The following ATP13A2 variants were observed in gnomAD, a reference collection of about 807,000 sequenced individuals.
The protein encoded by ATP13A2 is polyamine-transporting ATPase 13A2.
In ATP13A2, 83 loss-of-function variants were observed where a neutral mutation model predicts 138.3. The ratio of observed to expected loss-of-function variants is 0.60; its 90% CI spans 0.50 to 0.72. The LOEUF (loss-of-function observed/expected upper bound fraction) is 0.72. ATP13A2 is among the 30% of genes least tolerant of loss of function. The pLI, the probability that ATP13A2 is intolerant of heterozygous loss-of-function variation, is 0.00. For synonymous variants in ATP13A2, 663 were observed against 699.0 expected, an observed-to-expected ratio of 0.95 and a Z score of 0.81; for missense variants, 1,402 against 1,606.4, an observed-to-expected ratio of 0.87 and a Z score of 2.17.
rs1440981970 is a variant in ATP13A2 at position 16,992,380 on chromosome 1, C to A, written c.1868G>T (p.Ser623Ile). 2 of 1,613,546 alleles carry A rather than the reference C, an allele frequency of 1.2e-6. No homozygotes were observed. The highest frequency in any genetic ancestry group is 2.2e-5 in the East Asian group (1 of 44,896). The change falls in exon 18 of 29, where the codon AGC (serine) becomes ATC (isoleucine). Residue 623 changes from serine (S) to isoleucine (I), a missense_variant. By Grantham distance (142) the Ser-to-Ile change is moderately radical. Transcript: ENST00000326735. ...QAMEEPPVPV[S>I]VLHRFPFSSA... is the part of the protein sequence containing the mutation. Reference sequence around the variant, plus strand: ...AGAGAAGGGGAAGCGGTGGAGGACGCTGACTGGCACCGGGGGCTCCTCCTG... The same window carrying A: ...AGAGAAGGGGAAGCGGTGGAGGACGATGACTGGCACCGGGGGCTCCTCCTG...
intron 8 of ATP13A2, 114 bp from the exon 9 acceptor site, chr1:17,000,648 G>A (rs992422308): frequency 4.3e-6 from 6 of 1,384,184 alleles, no homozygotes; most frequent in East Asian, 5.0e-5. Context: ...CAAAGGACTG[G>A]AGCCAGGCCT....
At chr1:16,988,790 G>A (rs1323526772) in intron 23 of ATP13A2, among the ~76,000 whole-genome samples, 5 of 151,980 alleles carry the variant, frequency 3.3e-5, no homozygotes, top group Admixed American at 6.6e-5. Context: ...CCGCCACCAC[G>A]CCTGGCTAAT....
At chr1:16,994,184 G>GCTCTCTCTCT (rs144710370) in intron 15 of ATP13A2, among the ~76,000 whole-genome samples, 112 of 148,486 alleles carry the variant, frequency 7.5e-4, no homozygotes, top group Admixed American at 8.8e-4. Flanking sequence ...CGGTTGGCTC[G>GCTCTCTCTCT]CTCTCTCTCT....
At chr1:17,010,079 G>A (rs1450576429) in intron 1 of ATP13A2, among the ~76,000 whole-genome samples, 3 of 151,670 alleles carry the variant, frequency 2.0e-5, no homozygotes, top group African/African-American at 7.3e-5. Context: ...TTGAGATGGA[G>A]TCTTCCCCCC....
Position 17,011,650 on chromosome 1 carries a change from C to G in ATP13A2, c.10+79G>C. ...CCCGCGGTGGGGGGCGTCGCCTCCC[C>G]TCTCCCTCCAAGGGGTGACGACAAC... is the stretch of plus-strand genomic sequence containing the variant. On this transcript the variant is annotated intron_variant, in intron 1 of 28. Transcript: ENST00000326735. This position sits in a 1 kb window ranked among gnomAD's most constrained non-coding sequence, Gnocchi z 7.3. The G allele has an allele frequency of 1.4e-6, 2 of 1,427,446 alleles. No individual in the cohort carries two copies. The highest frequency in any genetic ancestry group is 9.1e-7 in the Non-Finnish European group (1 of 1,096,366). 88.4% of individuals were successfully genotyped at this position (1,427,446 alleles called of 1,614,324 possible). A position where few individuals can be genotyped will look rare whatever the true frequency, so the allele number is the denominator to read the frequency against.
chr1:16,986,502 A>G lies in ATP13A2; in HGVS notation c.3366T>C (p.Gly1122=). ...TDTGFKLLLL[G]LVTLNFVGAF... is the part of the protein sequence containing the mutation. ...CCCCCACGAAGTTGAGGGTGACCAG[A>G]CCCAGCAGCAGCAGCTTGAAGCCGG... is the stretch of plus-strand genomic sequence containing the variant. Residue 1122 remains glycine, a synonymous_variant, in exon 28 of 29, where the codon GGT becomes GGC. Coordinates refer to ENST00000326735, the MANE Select transcript of ATP13A2 (RefSeq NM_022089.4). The surrounding 1 kb of genome is among the most constrained non-coding windows in gnomAD (Gnocchi z 6.9). The G allele has an allele frequency of 1.2e-6, 2 of 1,612,470 alleles. No homozygotes were observed. The highest frequency in any genetic ancestry group is 1.7e-6 in the Non-Finnish European group (2 of 1,179,846).
chr1:17,008,494 G>C (rs937940660), intron 1 of ATP13A2, among the ~76,000 whole-genome samples: 2 of 152,164 alleles, frequency 1.3e-5, no homozygotes, highest in South Asian at 2.1e-4. Flanking sequence ...TTCCTGGGGG[G>C]GTTGCGTGGA....
Position 17,004,530 on chromosome 1 carries a change from A to T in ATP13A2, c.478-119T>A. Reference sequence around the variant, plus strand: ...CAGGGACTGGTGTCACCAGACAGAGAGGTGGGGAGAGGCCTGAAAGTGTAA... The same window carrying T: ...CAGGGACTGGTGTCACCAGACAGAGTGGTGGGGAGAGGCCTGAAAGTGTAA... On this transcript the variant is annotated intron_variant, in intron 5 of 28. Coordinates refer to ENST00000326735, the MANE Select transcript of ATP13A2 (RefSeq NM_022089.4). This position sits in a 1 kb window ranked among gnomAD's most constrained non-coding sequence, Gnocchi z 4.1. The T allele has an allele frequency of 6.6e-7, 1 of 1,523,352 alleles. No individual in the cohort carries two copies. The allele number at this position is 1,523,352 out of a possible 1,614,324, so 94.4% of individuals were successfully genotyped here. A position where few individuals can be genotyped will look rare whatever the true frequency, so the allele number is the denominator to read the frequency against.
Position 16,991,722 on chromosome 1 carries a change from A to T in ATP13A2, c.2251+12T>A. On this transcript the variant is annotated intron_variant, in intron 20 of 28. Transcript: ENST00000326735. ...CTGCCCTGCTAGCCCGGGCCCCTAC[A>T]TGCCATTGTACCTGTCACCATGACG... is the stretch of plus-strand genomic sequence containing the variant. 1.2e-6 allele frequency: 2 copies of T among 1,614,030 alleles called. No homozygotes were observed. The highest frequency in any genetic ancestry group is 1.7e-6 in the Non-Finnish European group (2 of 1,180,018).
rs1438370744 is a variant in ATP13A2, at chr1:16,989,925, C to A, written c.2491G>T (p.Gly831Cys). Residue 831 changes from glycine to cysteine, a missense_variant, in exon 22 of 29, where the codon GGT (glycine) becomes TGT (cysteine). Coordinates refer to ENST00000326735, the MANE Select transcript of ATP13A2 (RefSeq NM_022089.4). Reference protein sequence around the residue: ...RHLALSGPTFGIIVKHFPKLL... With the variant: ...RHLALSGPTFCIIVKHFPKLL... ...TTGGGGAAGTGCTTCACAATGATAC[C>A]AAAGGTGGGCCCGCTGAGGGCCAGG... 6.2e-7 allele frequency: 1 copy of A among 1,600,870 alleles called. No individual in the cohort carries two copies. Among genetic ancestry groups the A allele is most frequent in the Non-Finnish European group, 8.5e-7 (1 of 1,173,718 alleles).
intron 11 of ATP13A2, among the ~76,000 whole-genome samples, chr1:16,998,909 C>T (rs2077238352): frequency 6.6e-6 from 1 of 152,092 alleles, no homozygotes. Flanking sequence ...ACACGTAATG[C>T]AGAAAAAGGC....
chr1:17,010,014 C>A (rs1322756926), intron 1 of ATP13A2, among the ~76,000 whole-genome samples: 2 of 152,174 alleles, frequency 1.3e-5, no homozygotes, highest in Non-Finnish European at 2.9e-5. Context: ...AGAACAGGCA[C>A]CCACAGGCTG....
intron 6 of ATP13A2, among the ~76,000 whole-genome samples, 195 bp from the exon 7 acceptor site, chr1:17,002,568 C>T (rs2077400743): frequency 6.6e-6 from 1 of 152,160 alleles, no homozygotes. Context: ...GGTTCCAAAC[C>T]AAGTCACTGA....
At chr1:16,996,227 A>AC (rs746457743) in intron 14 of ATP13A2, 27 bp downstream of exon 14, 23 of 1,613,476 alleles carry the variant, frequency 1.4e-5, no homozygotes, top group Admixed American at 5.0e-5. Flanking sequence ...TGCTGGCAGC[A>AC]CCCCCCACCC....
chr1:17,005,144 C>T (rs1221615113), intron 3 of ATP13A2, 72 bp from the exon 4 acceptor site: 18 of 1,593,872 alleles, frequency 1.1e-5, no homozygotes, highest in African/African-American at 2.7e-5. Context: ...TACAGCCAGG[C>T]GGCCCCTGCT....
Position 17,004,477 on chromosome 1 carries a change from C to T in ATP13A2, c.478-66G>A. 6.3e-7 allele frequency: 1 copy of T among 1,585,950 alleles called. No individual in the cohort carries two copies. The highest frequency in any genetic ancestry group is 8.6e-7 in the Non-Finnish European group (1 of 1,159,924). ...CGGCCCCAGAAGCAGTGTGCTTATGCTGGGAGCCGAGGGATGGGGGTAGGG... is the reference window on the plus strand; with the variant it reads ...CGGCCCCAGAAGCAGTGTGCTTATGTTGGGAGCCGAGGGATGGGGGTAGGG... On this transcript the variant is annotated intron_variant, in intron 5 of 28. Coordinates refer to ENST00000326735, the MANE Select transcript of ATP13A2 (RefSeq NM_022089.4). This position sits in a 1 kb window ranked among gnomAD's most constrained non-coding sequence, Gnocchi z 4.1.
chr1:16,996,978 T>C (rs372345476), intron 12 of ATP13A2, 42 bp downstream of exon 12: 29 of 1,597,166 alleles, frequency 1.8e-5, no homozygotes, highest in Admixed American at 7.0e-5. Context: ...CCAAGGGTGC[T>C]GAGCCCGGGA....
chr1:17,005,217 C>A, intron 3 of ATP13A2, 145 bp from the exon 4 acceptor site: 1 of 1,445,722 alleles, frequency 6.9e-7, no homozygotes. Context: ...GTCCCTTCTG[C>A]CCAATGCTCA....
At position 16,986,475 on chromosome 1, in the gene ATP13A2, G is replaced by T; in HGVS notation, c.3393C>A (p.Ala1131=). The T allele has an allele frequency of 1.2e-6, 2 of 1,612,258 alleles. No individual in the cohort carries two copies. The highest frequency in any genetic ancestry group is 8.5e-7 in the Non-Finnish European group (1 of 1,179,848). The change falls in exon 28 of 29, where the codon GCC becomes GCA. Residue 1131 remains alanine (A), a synonymous_variant. Coordinates refer to ENST00000326735, the MANE Select transcript of ATP13A2 (RefSeq NM_022089.4). The surrounding 1 kb of genome is among the most constrained non-coding windows in gnomAD (Gnocchi z 6.9). The part of the protein sequence containing the change: ...LGLVTLNFVG[A]FMLESVLDQC... ...GGGCGGGCCCCACCTCCAGCATGAAGGCCCCCACGAAGTTGAGGGTGACCA... is the reference window on the plus strand; with the variant it reads ...GGGCGGGCCCCACCTCCAGCATGAATGCCCCCACGAAGTTGAGGGTGACCA...
Sources: gnomAD v4.1 joint callset for allele counts (sites outside exome capture counted in the v4.1 genomes callset) on GRCh38, gnomAD v4.1.1 for gene constraint, Gnocchi (gnomAD v3.1) non-coding constraint, MANE v1.5 for transcripts, NCBI Gene and HGNC (gene_info 2026-07-23, HGNC 2026-07-21) for gene names.